Variants in ITGBL1 observed in about 807,000 individuals in gnomAD.
ITGBL1 encodes integrin subunit beta like 1, also known as integrin beta-like protein 1.
A neutral mutation model predicts 68.5 loss-of-function variants in ITGBL1; 51 were observed. The observed-to-expected ratio is 0.74, with a 90% CI of 0.59 to 0.94. The LOEUF (loss-of-function observed/expected upper bound fraction) is 0.94, where lower values mean the gene tolerates loss of function less well. Ranked by LOEUF, ITGBL1 falls within the 40% of genes least tolerant of loss-of-function variation. The pLI, the probability that ITGBL1 is intolerant of heterozygous loss-of-function variation, is 0.00. For synonymous variants in ITGBL1, 209 were observed against 227.3 expected, an observed-to-expected ratio of 0.92 and a Z score of 0.72; for missense variants, 649 against 647.4, an observed-to-expected ratio of 1.00 and a Z score of -0.03.
intron 2 of ITGBL1, among the ~76,000 whole-genome samples, chr13:101,467,997 A>G (rs1208706046): frequency 6.6e-6 from 1 of 152,214 alleles, no homozygotes; most frequent in Non-Finnish European, 1.5e-5. Context: ...AGCCAAAATC[A>G]GAAAATGAAA....
At chr13:101,622,701 C>G (rs9518464) in intron 7 of ITGBL1, among the ~76,000 whole-genome samples, 1 of 151,948 alleles carries the variant, frequency 6.6e-6, no homozygotes, top group East Asian at 1.9e-4. Flanking sequence ...GTGTTTTTTT[C>G]TTTTAAATAA....
rs572118710 is a variant in ITGBL1, at chr13:101,606,974, A to G, written c.1015+8675A>G. Among the ~76,000 whole-genome samples, 41 of 152,166 alleles carry G rather than the reference A, an allele frequency of 2.7e-4. 1 individual carries two copies. In the South Asian group the frequency reaches 8.5e-3, roughly 32 times the overall value. ...ATAATTTATATTTTGTATTATATACATAATTTATAAATGCCATAATTTATA... is the reference window on the plus strand; with the variant it reads ...ATAATTTATATTTTGTATTATATACGTAATTTATAAATGCCATAATTTATA... On this transcript the variant is annotated intron_variant, in intron 7 of 10. Transcript: ENST00000376180.
intron 2 of ITGBL1, among the ~76,000 whole-genome samples, chr13:101,486,248 A>G (rs779691228): frequency 4.5e-4 from 69 of 152,174 alleles, no homozygotes; most frequent in Non-Finnish European, 9.0e-4. Context: ...GGAATCAAAA[A>G]CCAAATATAT....
chr13:101,467,527 T>G (rs2048398747), intron 2 of ITGBL1, among the ~76,000 whole-genome samples: 1 of 152,202 alleles, frequency 6.6e-6, no homozygotes, highest in Admixed American at 6.5e-5. Context: ...AAGGAGTGCT[T>G]TGTCTTTCCA....
intron 7 of ITGBL1, among the ~76,000 whole-genome samples, chr13:101,616,910 C>T (rs1049997576): frequency 1.3e-5 from 2 of 152,122 alleles, no homozygotes; most frequent in African/African-American, 4.8e-5. Flanking sequence ...ATTCATGCAA[C>T]CCCAGAGGAT....
At chr13:101,692,009 A>T (rs1363364981) in intron 7 of ITGBL1, among the ~76,000 whole-genome samples, 1 of 152,176 alleles carries the variant, frequency 6.6e-6, no homozygotes, top group African/African-American at 2.4e-5. Flanking sequence ...AATATTTATA[A>T]TTTTAAATTT....
intron 7 of ITGBL1, among the ~76,000 whole-genome samples, chr13:101,604,903 T>TAC (rs1236505105): frequency 1.5e-4 from 7 of 46,204 alleles, no homozygotes; most frequent in Non-Finnish European, 3.1e-4. Context: ...CACACACACA[T>TAC]ATATATGTGC....
intron 7 of ITGBL1, among the ~76,000 whole-genome samples, chr13:101,678,573 C>T (rs1488477786): frequency 6.6e-6 from 1 of 150,602 alleles, no homozygotes; most frequent in Non-Finnish European, 1.5e-5. Flanking sequence ...GATCTCGGCT[C>T]ACTGCAACCT....
chr13:101,472,266 A>G (rs977907475), intron 2 of ITGBL1, among the ~76,000 whole-genome samples: 10 of 152,194 alleles, frequency 6.6e-5, no homozygotes, highest in Admixed American at 3.3e-4. Context: ...AAATGCTCTT[A>G]GTGTAAATGT....
chr13:101,498,562 A>G (rs2048891749), intron 2 of ITGBL1, among the ~76,000 whole-genome samples: 1 of 152,186 alleles, frequency 6.6e-6, no homozygotes, highest in African/African-American at 2.4e-5. Flanking sequence ...ATTTTTGTTC[A>G]AGGCTTTATG....
At chr13:101,604,752 G>C (rs932453897) in intron 7 of ITGBL1, among the ~76,000 whole-genome samples, 1 of 146,162 alleles carries the variant, frequency 6.8e-6, no homozygotes, top group East Asian at 2.0e-4. Context: ...AGACCCATCA[G>C]TTTCTCAATC....
chr13:101,678,363 A>G (rs907069272), intron 7 of ITGBL1, among the ~76,000 whole-genome samples: 8 of 152,212 alleles, frequency 5.3e-5, no homozygotes, highest in Non-Finnish European at 1.2e-4. Context: ...TTTGTGAAGG[A>G]AAGTATATTA....
chr13:101,628,709 G>C (rs1486776780), intron 7 of ITGBL1, among the ~76,000 whole-genome samples: 2 of 150,996 alleles, frequency 1.3e-5, no homozygotes, highest in East Asian at 3.9e-4. Context: ...CAAAGTGCTG[G>C]GATTACAGGC....
At chr13:101,458,740 A>C (rs1237219733) in intron 2 of ITGBL1, among the ~76,000 whole-genome samples, 1 of 152,164 alleles carries the variant, frequency 6.6e-6, no homozygotes, top group Non-Finnish European at 1.5e-5. Flanking sequence ...ATGCAATGTA[A>C]ATGCTATGTA....
chr13:101,539,187 T>A (rs1240584068), intron 2 of ITGBL1, among the ~76,000 whole-genome samples: 1 of 149,466 alleles, frequency 6.7e-6, no homozygotes, highest in Non-Finnish European at 1.5e-5. Context: ...TATCTCCTGA[T>A]GCTATCCCTC....
At chr13:101,666,395 A>C (rs776860578) in intron 7 of ITGBL1, among the ~76,000 whole-genome samples, 1 of 152,066 alleles carries the variant, frequency 6.6e-6, no homozygotes, top group Non-Finnish European at 1.5e-5. Context: ...AAGATATTGC[A>C]TCCCTCTTGG....
intron 2 of ITGBL1, among the ~76,000 whole-genome samples, chr13:101,455,650 C>T (rs999609041): frequency 4.6e-5 from 7 of 152,206 alleles, no homozygotes; most frequent in Admixed American, 1.3e-4. Context: ...GGCAACAGAG[C>T]GAGACTTCAT....
Position 101,674,883 on chromosome 13 carries a change from T to C in ITGBL1, c.1016-17702T>C, listed in dbSNP as rs1224765192. 9.9e-5 allele frequency among the ~76,000 whole-genome samples: 15 copies of C among 152,232 alleles called. No individual in the cohort carries two copies. In the East Asian group the frequency reaches 2.5e-3, roughly 25 times the overall value. ...TTACCCTATATTTGCTTTTTGTTTT[T>C]CTTTATTTGCTTCTTGACTTCAGTG... is the stretch of plus-strand genomic sequence containing the variant. On this transcript the variant is annotated intron_variant, in intron 7 of 10. Transcript: ENST00000376180.
intron 2 of ITGBL1, among the ~76,000 whole-genome samples, chr13:101,550,339 G>A (rs2049900531): frequency 1.3e-5 from 2 of 152,134 alleles, no homozygotes; most frequent in Admixed American, 6.6e-5. Context: ...CAAAGGTCAG[G>A]AATACTTACT....
Sources: gnomAD v4.1 joint callset for allele counts (sites outside exome capture counted in the v4.1 genomes callset) on GRCh38, gnomAD v4.1.1 for gene constraint, MANE v1.5 for transcripts, NCBI Gene and HGNC (gene_info 2026-07-23, HGNC 2026-07-21) for gene names.